The following ARNT2 variants were observed in gnomAD, a reference collection of about 807,000 sequenced individuals.
The protein encoded by ARNT2 is aryl hydrocarbon receptor nuclear translocator 2, also known as ARNT protein 2.
Under a neutral mutation model 91.7 loss-of-function variants are expected in ARNT2, and 36 were observed. The observed-to-expected ratio is 0.39, with a 90% CI of 0.30 to 0.52. ARNT2 has a LOEUF of 0.52. Ranked by LOEUF, ARNT2 falls within the 20% of genes least tolerant of loss-of-function variation. The pLI is 0.72. For synonymous variants in ARNT2, 365 were observed against 347.1 expected (o/e 1.05, Z -0.57); for missense variants, 775 against 939.3 (o/e 0.83, Z 2.29).
chr15:80,519,999 CTT>C (rs79950273), intron 8 of ARNT2, among the ~76,000 whole-genome samples: 16 of 132,158 alleles, frequency 1.2e-4, no homozygotes, highest in Admixed American at 2.3e-4. Context: ...TGCCTGGCCG[CTT>C]TTTTTTTTTT....
At chr15:80,492,810 T>G (rs1897075773) in intron 5 of ARNT2, among the ~76,000 whole-genome samples, 1 of 152,252 alleles carries the variant, frequency 6.6e-6, no homozygotes, top group African/African-American at 2.4e-5. Flanking sequence ...GGTATTCATT[T>G]CTGAAATCAT....
chr15:80,536,422 G>C (rs1388191903), intron 8 of ARNT2, among the ~76,000 whole-genome samples: 2 of 152,128 alleles, frequency 1.3e-5, no homozygotes, highest in African/African-American at 4.8e-5. Flanking sequence ...GTGCGATGTT[G>C]CCTGCCCCTT....
intron 5 of ARNT2, among the ~76,000 whole-genome samples, chr15:80,481,217 G>A (rs1020915991): frequency 2.6e-5 from 4 of 152,204 alleles, no homozygotes; most frequent in African/African-American, 9.7e-5. Context: ...GCTAGGCTGT[G>A]GTCTGGGCAC....
intron 5 of ARNT2, chr15:80,487,640 T>C (rs1419988190): frequency 6.6e-6 from 1 of 152,246 alleles, no homozygotes; most frequent in Non-Finnish European, 1.5e-5. Context: ...TGTGCCTACA[T>C]TTCCAGAAGC....
At chr15:80,433,577 G>T (rs1896043920) in intron 1 of ARNT2, among the ~76,000 whole-genome samples, 1 of 152,036 alleles carries the variant, frequency 6.6e-6, no homozygotes, top group African/African-American at 2.4e-5. Context: ...GGAATTACAG[G>T]CGTGAGCCAC....
intron 13 of ARNT2, among the ~76,000 whole-genome samples, chr15:80,574,660 C>T (rs1898637962): frequency 6.6e-6 from 1 of 152,172 alleles, no homozygotes; most frequent in Non-Finnish European, 1.5e-5. Context: ...GTCTCCTTTC[C>T]TTCTCCTATC....
At chr15:80,418,913 C>T (rs981301287) in intron 1 of ARNT2, among the ~76,000 whole-genome samples, 7 of 152,152 alleles carry the variant, frequency 4.6e-5, no homozygotes, top group East Asian at 1.9e-4. Flanking sequence ...AATATCTGCC[C>T]TTCATTCCTC....
intron 1 of ARNT2, 45 bp from the exon 2 acceptor site, chr15:80,450,835 G>T (rs1255793978): frequency 2.5e-6 from 4 of 1,595,652 alleles, no homozygotes; most frequent in Non-Finnish European, 2.6e-6. Context: ...CCGTTACTGG[G>T]CTTTTCTGGC....
At chr15:80,518,376 G>A (rs897170779) in intron 8 of ARNT2, among the ~76,000 whole-genome samples, 2 of 148,006 alleles carry the variant, frequency 1.4e-5, no homozygotes, top group African/African-American at 5.1e-5. Context: ...TGCCTCCCAG[G>A]TTCAAGCAAT....
chr15:80,493,355 G>A (rs1427056078), intron 5 of ARNT2, among the ~76,000 whole-genome samples: 1 of 151,956 alleles, frequency 6.6e-6, no homozygotes, highest in Non-Finnish European at 1.5e-5. Context: ...AAGTGGCGGG[G>A]GGTGGGGGTG....
In ARNT2 at chr15:80,455,038, G is replaced by A. The variant is rs144221705; in HGVS notation, c.147-2891G>A. Among the ~76,000 whole-genome samples the A allele has an allele frequency of 3.8e-3, 574 of 152,142 alleles. 3 individuals carry two copies. Among genetic ancestry groups the A allele is most frequent in the African/African-American group, 0.013 (535 of 41,496 alleles). ...TATCCAGATGCTGCTGTGTAATAGA[G>A]ACACATACAAGATATAAAACAAAGG... On this transcript the variant is annotated intron_variant, in intron 2 of 18. Transcript: ENST00000303329.
chr15:80,508,474 T>C (rs139833702), intron 6 of ARNT2, among the ~76,000 whole-genome samples: 1 of 152,308 alleles, frequency 6.6e-6, no homozygotes, highest in African/African-American at 2.4e-5. Flanking sequence ...TCTAATTTCC[T>C]ACCATTTTCT....
At chr15:80,535,928 A>C (rs1363005233) in intron 8 of ARNT2, among the ~76,000 whole-genome samples, 2 of 151,846 alleles carry the variant, frequency 1.3e-5, no homozygotes, top group African/African-American at 4.8e-5. Context: ...AGTTATTTTT[A>C]TGTCTTTTTA....
intron 11 of ARNT2, among the ~76,000 whole-genome samples, chr15:80,558,483 G>C (rs1898245728): frequency 1.3e-5 from 2 of 151,968 alleles, no homozygotes; most frequent in Admixed American, 6.6e-5. Flanking sequence ...GGGATTACAG[G>C]CCTGTGCTGT....
chr15:80,564,657 A>AT (rs1036429245), intron 12 of ARNT2, among the ~76,000 whole-genome samples: 55 of 149,068 alleles, frequency 3.7e-4, no homozygotes, highest in African/African-American at 1.2e-3. Context: ...CCAATAGGTG[A>AT]TTTTTCACCC....
intron 17 of ARNT2, 36 bp downstream of exon 17, chr15:80,581,440 G>A (rs1283973108): frequency 6.2e-7 from 1 of 1,612,712 alleles, no homozygotes; most frequent in South Asian, 1.1e-5. Context: ...TTCTGGGAAA[G>A]CCAGCACAAA....
At chr15:80,475,305 A>T in intron 5 of ARNT2, 82 bp downstream of exon 5, 4 of 1,451,138 alleles carry the variant, frequency 2.8e-6, no homozygotes, top group Non-Finnish European at 3.8e-6. Context: ...CTGTAATCCC[A>T]GTACTTTGGG....
At chr15:80,454,171 G>T (rs1163848721) in intron 2 of ARNT2, among the ~76,000 whole-genome samples, 2 of 152,218 alleles carry the variant, frequency 1.3e-5, no homozygotes, top group South Asian at 4.1e-4. Context: ...CCACATGCGT[G>T]GGAGAAATGA....
At chr15:80,446,113 C>T (rs1343897232) in intron 1 of ARNT2, among the ~76,000 whole-genome samples, 1 of 151,994 alleles carries the variant, frequency 6.6e-6, no homozygotes, top group African/African-American at 2.4e-5. Context: ...CCAGGAGGTG[C>T]GTTGCTATCC....
Sources: allele counts gnomAD v4.1 joint callset (sites outside exome capture counted in the v4.1 genomes callset), GRCh38; gene constraint gnomAD v4.1.1; transcripts MANE v1.5; gene names NCBI Gene and HGNC (gene_info 2026-07-23, HGNC 2026-07-21).